Variants in CNTN6 observed in about 807,000 individuals in gnomAD.
CNTN6 encodes contactin-6.
CNTN6 carries 137 observed loss-of-function variants against 122.8 expected under a neutral mutation model. That is an observed-to-expected ratio of 1.12 (90% CI 0.97 to 1.29). CNTN6 has a LOEUF of 1.29. Among genes scored for constraint, CNTN6 ranks in the 50% most tolerant of loss-of-function variants. The pLI is 0.00. For missense variants in CNTN6, 1,634 were observed against 1,223.4 expected (o/e 1.34, Z -5.01); for synonymous variants, 570 against 426.0 (o/e 1.34, Z -4.16).
intron 4 of CNTN6, among the ~76,000 whole-genome samples, chr3:1,238,389 TCA>T (rs1387265869): frequency 9.2e-5 from 14 of 152,116 alleles, no homozygotes; most frequent in Admixed American, 9.2e-4. Flanking sequence ...CAGGAAAATA[TCA>T]CAGTTCTAAA....
At chr3:1,353,732 T>C (rs140226296) in intron 12 of CNTN6, among the ~76,000 whole-genome samples, 155 of 151,784 alleles carry the variant, frequency 1.0e-3, no homozygotes, top group African/African-American at 3.6e-3. Flanking sequence ...TATTATATCA[T>C]TTCAAATTAA....
At chr3:1,383,232 C>T in intron 18 of CNTN6, 56 bp downstream of exon 18, 1 of 1,595,974 alleles carries the variant, frequency 6.3e-7, no homozygotes, top group East Asian at 2.2e-5. Context: ...TTTGTGTTCC[C>T]TTGTTCCATT....
intron 5 of CNTN6, among the ~76,000 whole-genome samples, chr3:1,279,398 T>G (rs1172942746): frequency 6.6e-6 from 1 of 152,120 alleles, no homozygotes; most frequent in Non-Finnish European, 1.5e-5. Context: ...ATAGAAAGCT[T>G]AATAACAGCA....
In CNTN6 at chr3:1,223,176, G is replaced by A. The variant is rs542607183; in HGVS notation, c.182+2363G>A. ...GCCTTCACAATTCACAGATTCTAAC[G>A]TTATTTGAGGTTACCTGGGTATAGT... is the stretch of plus-strand genomic sequence containing the variant. On this transcript the variant is annotated intron_variant, in intron 3 of 22. Coordinates refer to ENST00000446702, the MANE Select transcript of CNTN6 (RefSeq NM_001289080.2). Among the ~76,000 whole-genome samples, 47 of 152,188 alleles carry A rather than the reference G, an allele frequency of 3.1e-4. No individual in the cohort carries two copies. In the South Asian group the frequency reaches 7.3e-3, roughly 24 times the overall value.
intron 4 of CNTN6, among the ~76,000 whole-genome samples, chr3:1,266,068 A>G (rs998502035): frequency 6.6e-6 from 1 of 151,922 alleles, no homozygotes; most frequent in African/African-American, 2.4e-5. Context: ...ACAACCAGTG[A>G]TATCTCTCCC....
chr3:1,296,200 T>C (rs934809697), intron 6 of CNTN6, among the ~76,000 whole-genome samples: 1 of 152,198 alleles, frequency 6.6e-6, no homozygotes, highest in Non-Finnish European at 1.5e-5. Flanking sequence ...GGCCCCTTTT[T>C]TCCATATTTG....
At chr3:1,403,232 T>C (rs533632902) in intron 22 of CNTN6, 86 bp from the exon 23 acceptor site, 35 of 723,168 alleles carry the variant, frequency 4.8e-5, no homozygotes, top group East Asian at 4.0e-4. Flanking sequence ...AGAGAAATGA[T>C]AGTATGAAAT....
intron 1 of CNTN6, among the ~76,000 whole-genome samples, chr3:1,135,409 A>C (rs1574974492): frequency 6.6e-6 from 1 of 152,096 alleles, no homozygotes; most frequent in African/African-American, 2.4e-5. Flanking sequence ...CTGGGTGGGG[A>C]CCGTGAACCT....
At chr3:1,224,976 G>A (rs113581470) in intron 3 of CNTN6, among the ~76,000 whole-genome samples, 19,670 of 151,896 alleles carry the variant, frequency 0.13, 2,025 homozygotes, top group African/African-American at 0.28. Flanking sequence ...TTGAACTCCC[G>A]ACCTCAGGTA....
chr3:1,262,964 A>G (rs988789829), intron 4 of CNTN6, among the ~76,000 whole-genome samples: 1 of 152,128 alleles, frequency 6.6e-6, no homozygotes, highest in South Asian at 2.1e-4. Flanking sequence ...TTAAATCTAC[A>G]TATCGTTTAA....
intron 20 of CNTN6, among the ~76,000 whole-genome samples, chr3:1,400,891 ACT>A (rs1185231832): frequency 6.6e-6 from 1 of 151,980 alleles, no homozygotes; most frequent in African/African-American, 2.4e-5. Context: ...CTCTCCTCAG[ACT>A]CTGCTGCAAT....
rs547660255 is a variant in CNTN6 at position 1,187,681 on chromosome 3, A to C, written c.56-33006A>C. On this transcript the variant is annotated intron_variant, in intron 2 of 22. Transcript: ENST00000446702. ...GCTACATAATTTGTGAGGCCAAGGG[A>C]AAAATGCAAACGCAGGACCTCTTGT... 1.1e-4 allele frequency among the ~76,000 whole-genome samples: 16 copies of C among 152,298 alleles called. No homozygotes were observed. The East Asian group carries it at 2.9e-3, about 28-fold the overall frequency.
chr3:1,188,497 C>A (rs1212359480), intron 2 of CNTN6, among the ~76,000 whole-genome samples: 1 of 152,152 alleles, frequency 6.6e-6, no homozygotes, highest in South Asian at 2.1e-4. Flanking sequence ...AGTGATACTG[C>A]ATATACGGAA....
chr3:1,329,379 C>A (rs1322492434), intron 10 of CNTN6, among the ~76,000 whole-genome samples: 5 of 151,554 alleles, frequency 3.3e-5, no homozygotes, highest in Non-Finnish European at 5.9e-5. Flanking sequence ...CCATCTTCAT[C>A]CTCTTTGTTG....
intron 1 of CNTN6, among the ~76,000 whole-genome samples, chr3:1,128,638 G>A (rs74633403): frequency 2.0e-5 from 3 of 151,956 alleles, no homozygotes; most frequent in Admixed American, 1.3e-4. Flanking sequence ...GAACATAGCT[G>A]TGCTGGTTTT....
chr3:1,294,187 G>C (rs1695813495), intron 5 of CNTN6, among the ~76,000 whole-genome samples: 1 of 152,026 alleles, frequency 6.6e-6, no homozygotes, highest in South Asian at 2.1e-4. Context: ...CCTCAATCTG[G>C]AAATAATCCA....
chr3:1,401,546 G>A lies in CNTN6; in HGVS notation c.2817+1G>A. 6.2e-7 allele frequency: 1 copy of A among 1,602,374 alleles called. No homozygotes were observed. The highest frequency in any genetic ancestry group is 8.5e-7 in the Non-Finnish European group (1 of 1,172,142). ...TGAGTCTGAAGTTTTGGGGTACAAG[G>A]TGAGTTTTTAGTTTTTCCTTTAATC... On this transcript the variant is annotated splice_donor_variant, in intron 21 of 22. Coordinates refer to ENST00000446702, the MANE Select transcript of CNTN6 (RefSeq NM_001289080.2). LOFTEE classifies it high-confidence loss of function.
Position 1,309,769 on chromosome 3 carries a change from A to G in CNTN6, c.761+11778A>G, listed in dbSNP as rs573143266. ...TGAGTCTTTTCATCCATGAACACAG[A>G]CTATTTCTCCGCTTATTTCGATCTC... On this transcript the variant is annotated intron_variant, in intron 7 of 22. Coordinates refer to ENST00000446702, the MANE Select transcript of CNTN6 (RefSeq NM_001289080.2). Among the ~76,000 whole-genome samples, 7 of 152,286 alleles carry G rather than the reference A, an allele frequency of 4.6e-5. No individual in the cohort carries two copies. The South Asian group carries it at 1.2e-3, about 27-fold the overall frequency.
chr3:1,247,862 A>G (rs1184542566), intron 4 of CNTN6, among the ~76,000 whole-genome samples: 2 of 152,114 alleles, frequency 1.3e-5, no homozygotes, highest in Non-Finnish European at 1.5e-5. Flanking sequence ...TAAAAAAAAA[A>G]TTCCCAAACT....
Sources: allele counts gnomAD v4.1 joint callset (sites outside exome capture counted in the v4.1 genomes callset), GRCh38; gene constraint gnomAD v4.1.1; transcripts MANE v1.5; gene names NCBI Gene and HGNC (gene_info 2026-07-23, HGNC 2026-07-21).